Variants in CFAP299 observed in about 807,000 individuals in gnomAD.
CFAP299 encodes the protein cilia- and flagella-associated protein 299.
In CFAP299, 21 loss-of-function variants were observed where a neutral mutation model predicts 27.0. The ratio of observed to expected loss-of-function variants is 0.78; its 90% confidence interval spans 0.55 to 1.12. The LOEUF (loss-of-function observed/expected upper bound fraction) is 1.12. Ranked by LOEUF, CFAP299 falls within the 50% of genes most tolerant of loss-of-function variation. CFAP299 has a pLI of 0.00. For missense variants in CFAP299, 310 were observed against 276.6 expected, an observed-to-expected ratio of 1.12 and a Z score of -0.86; for synonymous variants, 104 against 98.1, an observed-to-expected ratio of 1.06 and a Z score of -0.36.
intron 3 of CFAP299, among the ~76,000 whole-genome samples, chr4:80,647,640 G>A (rs571731977): frequency 7.9e-5 from 12 of 152,218 alleles, no homozygotes; most frequent in African/African-American, 1.4e-4. Context: ...TAGTTGTGGT[G>A]TATGCTAATC....
At chr4:80,944,433 G>A (rs1737366101) in intron 4 of CFAP299, among the ~76,000 whole-genome samples, 1 of 152,134 alleles carries the variant, frequency 6.6e-6, no homozygotes, top group African/African-American at 2.4e-5. Flanking sequence ...ATGAAAAGAG[G>A]TGATTTAGTG....
chr4:80,342,329 A>G (rs969047587), intron 1 of CFAP299, among the ~76,000 whole-genome samples: 3 of 152,186 alleles, frequency 2.0e-5, no homozygotes, highest in Non-Finnish European at 4.4e-5. Context: ...CTCTAGTAAG[A>G]TATTCCACAA....
At chr4:80,632,505 A>T (rs565120178) in intron 3 of CFAP299, among the ~76,000 whole-genome samples, 2 of 152,180 alleles carry the variant, frequency 1.3e-5, no homozygotes, top group African/African-American at 2.4e-5. Context: ...AAAACTCTGG[A>T]CAATATTAAC....
intron 3 of CFAP299, among the ~76,000 whole-genome samples, chr4:80,699,846 G>A (rs1721357621): frequency 6.6e-6 from 1 of 152,128 alleles, no homozygotes; most frequent in South Asian, 2.1e-4. Context: ...GAAGAAGTAG[G>A]CAATGGCTGT....
At chr4:80,913,787 C>T (rs1031735188) in intron 4 of CFAP299, among the ~76,000 whole-genome samples, 5 of 152,214 alleles carry the variant, frequency 3.3e-5, no homozygotes, top group South Asian at 2.1e-4. Flanking sequence ...ATCTACACAC[C>T]GCCACAATTA....
intron 2 of CFAP299, among the ~76,000 whole-genome samples, chr4:80,526,927 T>G (rs1289727726): frequency 6.6e-6 from 1 of 152,236 alleles, no homozygotes; most frequent in East Asian, 1.9e-4. Context: ...TATTTTGAAC[T>G]TAAAAAGAAA....
chr4:80,775,290 C>T (rs555208534), intron 3 of CFAP299, among the ~76,000 whole-genome samples: 5 of 151,888 alleles, frequency 3.3e-5, no homozygotes, highest in African/African-American at 4.8e-5. Context: ...GTAACATAAT[C>T]GCAATATCTC....
intron 3 of CFAP299, among the ~76,000 whole-genome samples, chr4:80,846,163 G>A (rs914606782): frequency 9.2e-5 from 14 of 152,122 alleles, no homozygotes; most frequent in Admixed American, 8.5e-4. Flanking sequence ...ATCTCCTGAG[G>A]CAGTGTGATA....
At chr4:80,932,772 G>A (rs1030684793) in intron 4 of CFAP299, among the ~76,000 whole-genome samples, 7 of 152,090 alleles carry the variant, frequency 4.6e-5, no homozygotes, top group African/African-American at 1.4e-4. Context: ...TGATTTGTAG[G>A]TGTGGAGACC....
intron 4 of CFAP299, among the ~76,000 whole-genome samples, chr4:80,910,713 C>CT: frequency 6.6e-6 from 1 of 152,132 alleles, no homozygotes; most frequent in South Asian, 2.1e-4. Context: ...CTATTTAGTA[C>CT]TAAGCTTAGT....
upstream of CFAP299, among the ~76,000 whole-genome samples, chr4:80,333,098 T>G (rs1474365278): frequency 6.6e-6 from 1 of 152,184 alleles, no homozygotes; most frequent in Non-Finnish European, 1.5e-5. Context: ...TTCTGAAATT[T>G]TCCTTTCACA....
At chr4:80,865,583 G>A (rs62302220) in intron 3 of CFAP299, among the ~76,000 whole-genome samples, 6,166 of 151,768 alleles carry the variant, frequency 0.041, 174 homozygotes, top group Non-Finnish European at 0.064. Context: ...AATTCCAATC[G>A]GATTTTAAAA....
At chr4:80,333,169 C>T (rs1434808984), upstream of CFAP299, among the ~76,000 whole-genome samples, 1 of 152,080 alleles carries the variant, frequency 6.6e-6, no homozygotes, top group African/African-American at 2.4e-5. Flanking sequence ...ATTGTGTCTC[C>T]AGGACAGAGA....
At chr4:80,594,247 C>T (rs1301988023) in intron 3 of CFAP299, among the ~76,000 whole-genome samples, 1 of 152,140 alleles carries the variant, frequency 6.6e-6, no homozygotes, top group African/African-American at 2.4e-5. Context: ...GCAGCAGTCA[C>T]CTTCTTCACA....
At chr4:80,510,623 C>T (rs139966348) in intron 2 of CFAP299, among the ~76,000 whole-genome samples, 12 of 152,286 alleles carry the variant, frequency 7.9e-5, no homozygotes, top group African/African-American at 2.6e-4. Context: ...CCTGACCCAG[C>T]CTCTGCTTCT....
At chr4:80,734,096 G>T (rs1723707253) in intron 3 of CFAP299, among the ~76,000 whole-genome samples, 1 of 151,984 alleles carries the variant, frequency 6.6e-6, no homozygotes, top group Non-Finnish European at 1.5e-5. Flanking sequence ...AGTGGATGAG[G>T]GTTTCCTTTT....
intron 3 of CFAP299, among the ~76,000 whole-genome samples, chr4:80,691,989 G>C (rs1021993889): frequency 5.3e-5 from 8 of 152,044 alleles, no homozygotes; most frequent in Non-Finnish European, 1.0e-4. Context: ...ACTTACAAGG[G>C]ATGTGAAGGA....
intron 3 of CFAP299, among the ~76,000 whole-genome samples, chr4:80,708,172 G>C (rs1411111392): frequency 6.6e-6 from 1 of 151,954 alleles, no homozygotes; most frequent in Admixed American, 6.6e-5. Flanking sequence ...CATTTGTTTT[G>C]ATTTTCATAG....
At chr4:80,887,688 G>A (rs927199819) in intron 4 of CFAP299, among the ~76,000 whole-genome samples, 3 of 152,090 alleles carry the variant, frequency 2.0e-5, no homozygotes, top group South Asian at 4.1e-4. Flanking sequence ...ACAGAATTAT[G>A]TAACACTGTA....
Sources: gnomAD v4.1 joint callset for allele counts (sites outside exome capture counted in the v4.1 genomes callset) on GRCh38, gnomAD v4.1.1 for gene constraint, MANE v1.5 for transcripts, NCBI Gene and HGNC (gene_info 2026-07-23, HGNC 2026-07-21) for gene names.